MRTFB: variants seen among roughly 807,000 people sequenced by gnomAD.
MRTFB encodes the protein myocardin related transcription factor B.
MRTFB carries 29 observed loss-of-function variants against 104.2 expected under a neutral mutation model. The observed-to-expected ratio is 0.28, with a 90% confidence interval of 0.21 to 0.38. MRTFB has a LOEUF of 0.38. Among genes scored for constraint, MRTFB ranks in the 10% least tolerant of loss-of-function variants. The probability of loss-of-function intolerance (pLI) is 1.00; values close to 1 mark genes in which losing one functional copy is unlikely to be tolerated. For missense variants in MRTFB, 1,270 were observed against 1,341.6 expected, an observed-to-expected ratio of 0.95 and a Z score of 0.83; for synonymous variants, 535 against 519.5, an observed-to-expected ratio of 1.03 and a Z score of -0.41.
chr16:14,207,457 T>C (rs964400968), intron 3 of MRTFB, among the ~76,000 whole-genome samples: 3 of 152,246 alleles, frequency 2.0e-5, no homozygotes, highest in African/African-American at 7.2e-5. Flanking sequence ...CTAAATGTCC[T>C]GAGTAATAGG....
chr16:14,224,143 A>G (rs1346087585), intron 8 of MRTFB, among the ~76,000 whole-genome samples: 1 of 152,196 alleles, frequency 6.6e-6, no homozygotes, highest in Admixed American at 6.5e-5. Flanking sequence ...ACCAGATCCC[A>G]TGAGAACTCA....
the MRTFB span, among the ~76,000 whole-genome samples, chr16:13,996,750 C>T: frequency 1.3e-5 from 2 of 152,162 alleles, no homozygotes; most frequent in East Asian, 1.9e-4. Flanking sequence ...GTTGGGTAGG[C>T]AGAGAATGGA....
At chr16:14,240,505 T>TC (rs1422153830) in intron 10 of MRTFB, 21 bp downstream of exon 10, 20 of 1,614,182 alleles carry the variant, frequency 1.2e-5, no homozygotes, top group South Asian at 2.2e-5. Context: ...GCCCATGCTA[T>TC]CCTCAACGCG....
At chr16:14,137,262 T>A (rs923856527) in intron 2 of MRTFB, among the ~76,000 whole-genome samples, 1 of 152,174 alleles carries the variant, frequency 6.6e-6, no homozygotes, top group Non-Finnish European at 1.5e-5. Context: ...TAAGTTAAAA[T>A]TTTTTGAAAA....
chr16:14,133,052 A>C (rs896215355), intron 2 of MRTFB, among the ~76,000 whole-genome samples: 10 of 152,232 alleles, frequency 6.6e-5, no homozygotes, highest in African/African-American at 2.2e-4. Context: ...ATGGGTGAGA[A>C]ACTAAAAATA....
chr16:14,210,199 A>G, intron 3 of MRTFB, 44 bp from the exon 4 acceptor site: 1 of 1,500,602 alleles, frequency 6.7e-7, no homozygotes, highest in Non-Finnish European at 9.2e-7. Flanking sequence ...ATCGGATCCC[A>G]CAGTTGCCGA....
chr16:13,999,533 A>G, the MRTFB span, among the ~76,000 whole-genome samples: 1 of 151,770 alleles, frequency 6.6e-6, no homozygotes, highest in Non-Finnish European at 1.5e-5. Context: ...GAAAAAAAAA[A>G]GCTTTCTCTC....
At chr16:14,209,029 G>T (rs2041073189) in intron 3 of MRTFB, among the ~76,000 whole-genome samples, 1 of 152,138 alleles carries the variant, frequency 6.6e-6, no homozygotes, top group South Asian at 2.1e-4. Context: ...ATCAAACAAT[G>T]ATAAAATATT....
At chr16:14,086,464 C>T (rs190696764) in intron 2 of MRTFB, among the ~76,000 whole-genome samples, 4 of 152,220 alleles carry the variant, frequency 2.6e-5, no homozygotes, top group African/African-American at 2.4e-5. Context: ...CTTAGCATCC[C>T]CTTTCTTAAT....
chr16:14,177,086 CAG>C lies in MRTFB; in HGVS notation c.155-33154_155-33153del, dbSNP rs2039608728. Among the ~76,000 whole-genome samples, 1 of 152,212 alleles carries C rather than the reference CAG, an allele frequency of 6.6e-6. No homozygotes were observed. The highest frequency in any genetic ancestry group is 1.5e-5 in the Non-Finnish European group (1 of 68,042). ...AACTTGTACAAAAACAAGGACAACA[CAG>C]AGTGTATTAGTGAATACCAAGTAGT... On this transcript the variant is annotated intron_variant, in intron 3 of 16. Coordinates refer to ENST00000571589, the MANE Select transcript of MRTFB (RefSeq NM_001308142.2). The surrounding 1 kb of genome is among the most constrained non-coding windows in gnomAD (Gnocchi z 4.7).
intron 3 of MRTFB, among the ~76,000 whole-genome samples, chr16:14,147,870 T>A (rs1329114128): frequency 2.0e-5 from 3 of 152,210 alleles, no homozygotes; most frequent in African/African-American, 7.2e-5. Context: ...AACAGTAAGA[T>A]TTAAAACGTA....
At chr16:14,056,853 A>G in the MRTFB span, among the ~76,000 whole-genome samples, 3 of 152,140 alleles carry the variant, frequency 2.0e-5, no homozygotes, top group African/African-American at 7.2e-5. Context: ...TCATACCAAT[A>G]CTACTGATTT....
chr16:14,003,623 G>GGCCTGCCTGCCTGCCTGCCTGCCT, the MRTFB span, among the ~76,000 whole-genome samples: 624 of 85,226 alleles, frequency 7.3e-3, 9 homozygotes, highest in East Asian at 0.03. Flanking sequence ...GGGGCCGGCC[G>GGCCTGCCTGCCTGCCTGCCTGCCT]GCCTGCCTGC....
the MRTFB span, among the ~76,000 whole-genome samples, chr16:14,050,164 GAC>G: frequency 1.3e-4 from 19 of 149,740 alleles, no homozygotes; most frequent in East Asian, 3.9e-4. Context: ...CAGACAGACA[GAC>G]ACACACACAC....
rs886390863 is a variant in MRTFB at position 14,200,930 on chromosome 16, A to C, written c.155-9313A>C. 374 of 1,448,324 alleles carry C rather than the reference A, an allele frequency of 2.6e-4. 2 individuals are homozygous for C. In the Middle Eastern group the frequency reaches 2.8e-3, roughly 11 times the overall value. 89.7% of individuals were successfully genotyped at this position (1,448,324 alleles called of 1,614,324 possible). A position where few individuals can be genotyped will look rare whatever the true frequency, so the allele number is the denominator to read the frequency against. The stretch of plus-strand genomic sequence containing the variant: ...AGCATGGCTACTTTATATTTTGGAA[A>C]GCAGTTTTTAAGACAAAACACTGGA... On this transcript the variant is annotated intron_variant, in intron 3 of 16. Coordinates refer to ENST00000571589, the MANE Select transcript of MRTFB (RefSeq NM_001308142.2).
chr16:14,152,214 T>C (rs2038648055), intron 3 of MRTFB: 2 of 152,104 alleles, frequency 1.3e-5, no homozygotes, highest in South Asian at 2.1e-4. Context: ...ATCACATCTC[T>C]AAATTAAGTT....
chr16:14,034,633 A>G, the MRTFB span, among the ~76,000 whole-genome samples: 1 of 151,820 alleles, frequency 6.6e-6, no homozygotes, highest in Non-Finnish European at 1.5e-5. Flanking sequence ...AAAAAAAAAA[A>G]AAGGCCATCT....
At chr16:14,247,922 G>C (rs964359834) in intron 12 of MRTFB, 1 of 173,838 alleles carries the variant, frequency 5.8e-6, no homozygotes, top group Non-Finnish European at 1.2e-5. Flanking sequence ...GGATAAGGAC[G>C]CTGAGGCCTA....
the MRTFB span, among the ~76,000 whole-genome samples, chr16:14,026,046 CCCA>C: frequency 2.6e-5 from 4 of 152,114 alleles, no homozygotes; most frequent in Admixed American, 2.6e-4. Flanking sequence ...GTCAGTTCTC[CCCA>C]AATAGATTTA....
Sources: gnomAD v4.1 joint callset for allele counts (sites outside exome capture counted in the v4.1 genomes callset) on GRCh38, gnomAD v4.1.1 for gene constraint, Gnocchi (gnomAD v3.1) non-coding constraint, MANE v1.5 for transcripts, NCBI Gene and HGNC (gene_info 2026-07-23, HGNC 2026-07-21) for gene names.